Variants in ELMO1 observed in about 807,000 individuals in gnomAD.
ELMO1 encodes the protein engulfment and cell motility protein 1.
In ELMO1, 26 loss-of-function variants were observed where a neutral mutation model predicts 98.9. That is an observed-to-expected ratio of 0.26 (90% CI 0.19 to 0.36). The LOEUF (loss-of-function observed/expected upper bound fraction) is 0.36. Among genes scored for constraint, ELMO1 ranks in the 10% least tolerant of loss-of-function variants. The pLI, the probability that ELMO1 is intolerant of heterozygous loss-of-function variation, is 1.00. For synonymous variants in ELMO1, 346 were observed against 346.0 expected (o/e 1.00, Z 0.00); for missense variants, 627 against 935.2 (o/e 0.67, Z 4.30).
chr7:37,361,473 TACTACCA>T (rs1801694869), intron 1 of ELMO1, among the ~76,000 whole-genome samples: 1 of 152,238 alleles, frequency 6.6e-6, no homozygotes, highest in Non-Finnish European at 1.5e-5. Context: ...ACACATTTCA[TACTACCA>T]ACAGCAGAGC....
chr7:37,096,887 G>A lies in ELMO1; in HGVS notation c.1192-160C>T, dbSNP rs148350701. ...AATAGTACTCCAAGTATACAGGACC[G>A]AAAAGTCTCATTTATCCCCCCCAAA... On this transcript the variant is annotated intron_variant, in intron 14 of 21. Transcript: ENST00000310758. Among the ~76,000 whole-genome samples, 250 of 152,234 alleles carry A rather than the reference G, an allele frequency of 1.6e-3. 1 individual carries two copies. The highest frequency in any genetic ancestry group is 5.8e-3 in the African/African-American group (241 of 41,542).
chr7:37,237,992 T>G (rs1246489239), intron 7 of ELMO1, among the ~76,000 whole-genome samples: 1 of 152,222 alleles, frequency 6.6e-6, no homozygotes, highest in African/African-American at 2.4e-5. Context: ...TTCAACTTTA[T>G]TGTTGATCAT....
chr7:37,376,464 G>A (rs1583650163), intron 1 of ELMO1, among the ~76,000 whole-genome samples: 2 of 152,122 alleles, frequency 1.3e-5, no homozygotes, highest in East Asian at 1.9e-4. Flanking sequence ...ATAACATCAC[G>A]ATTGTAAAAC....
intron 8 of ELMO1, among the ~76,000 whole-genome samples, chr7:37,227,490 A>G (rs1048963609): frequency 5.9e-5 from 9 of 152,150 alleles, no homozygotes; most frequent in African/African-American, 2.2e-4. Flanking sequence ...AGTTCAAGCA[A>G]TTCTCCTGCC....
chr7:37,399,015 C>T (rs1053834384), intron 1 of ELMO1, among the ~76,000 whole-genome samples: 1 of 152,182 alleles, frequency 6.6e-6, no homozygotes, highest in Non-Finnish European at 1.5e-5. Context: ...TCACTGAGCC[C>T]TCTGGTCAGA....
chr7:37,315,009 C>T (rs1799080980), intron 3 of ELMO1, 87 bp from the exon 4 acceptor site: 6 of 1,207,674 alleles, frequency 5.0e-6, no homozygotes, highest in Non-Finnish European at 7.1e-6. Context: ...GAACTAAGCA[C>T]CCTGTGATTG....
chr7:37,182,247 A>G (rs1437359319), intron 13 of ELMO1, among the ~76,000 whole-genome samples: 1 of 152,130 alleles, frequency 6.6e-6, no homozygotes, highest in African/African-American at 2.4e-5. Flanking sequence ...AGAGTTTGGT[A>G]ACATCGGTAG....
intron 16 of ELMO1, among the ~76,000 whole-genome samples, chr7:36,992,514 T>C (rs749852272): frequency 1.3e-5 from 2 of 151,876 alleles, no homozygotes; most frequent in African/African-American, 4.8e-5. Context: ...GAAGGAAAAA[T>C]GAAAATGCCA....
chr7:37,360,708 T>C (rs967739269), intron 1 of ELMO1, among the ~76,000 whole-genome samples: 1 of 152,198 alleles, frequency 6.6e-6, no homozygotes, highest in Non-Finnish European at 1.5e-5. Context: ...CCTGTGTGGT[T>C]TTCAGTAACT....
chr7:37,040,901 A>ACCC (rs1584552632), intron 15 of ELMO1, among the ~76,000 whole-genome samples: 2 of 151,578 alleles, frequency 1.3e-5, no homozygotes, highest in African/African-American at 4.9e-5. Flanking sequence ...CAAAGGCAAA[A>ACCC]CCCCGTCTCT....
In ELMO1 at chr7:37,245,236, C is replaced by T. The variant is rs546655481; in HGVS notation, c.414-845G>A. Among the ~76,000 whole-genome samples the T allele has an allele frequency of 3.3e-5, 5 of 152,234 alleles. No homozygotes were observed. The East Asian group carries it at 9.7e-4, about 29-fold the overall frequency. On this transcript the variant is annotated intron_variant, in intron 6 of 21. Transcript: ENST00000310758. ...CAGACAGCATAGATGGTGCCTGCAT[C>T]GCAGGCCACAGGCCCTGAGGACACA...
chr7:37,438,713 G>T (rs980392131), intron 1 of ELMO1, among the ~76,000 whole-genome samples: 2 of 152,102 alleles, frequency 1.3e-5, no homozygotes, highest in Non-Finnish European at 2.9e-5. Flanking sequence ...AATCATCTCA[G>T]CTACTCGAAG....
chr7:36,976,850 A>C (rs1790592984), intron 16 of ELMO1, among the ~76,000 whole-genome samples: 1 of 152,320 alleles, frequency 6.6e-6, no homozygotes, highest in African/African-American at 2.4e-5. Flanking sequence ...AAAAGTCTTC[A>C]CACCATTCAG....
intron 4 of ELMO1, among the ~76,000 whole-genome samples, chr7:37,307,536 T>C (rs1798675219): frequency 6.6e-6 from 1 of 152,140 alleles, no homozygotes; most frequent in South Asian, 2.1e-4. Context: ...TATAGCAGCA[T>C]GAGAAAGGAC....
intron 13 of ELMO1, among the ~76,000 whole-genome samples, chr7:37,172,308 T>TAAA (rs35800288): frequency 6.8e-6 from 1 of 147,110 alleles, no homozygotes; most frequent in Non-Finnish European, 1.5e-5. Context: ...GTGCTTACAT[T>TAAA]AAAAAAAAAA....
intron 1 of ELMO1, among the ~76,000 whole-genome samples, chr7:37,364,766 G>A (rs1245726701): frequency 6.6e-6 from 1 of 152,080 alleles, no homozygotes; most frequent in East Asian, 1.9e-4. Flanking sequence ...GACAACTAAG[G>A]ATATCGGCTT....
intron 1 of ELMO1, among the ~76,000 whole-genome samples, chr7:37,425,924 G>A (rs1423852473): frequency 6.6e-6 from 1 of 152,116 alleles, no homozygotes; most frequent in Non-Finnish European, 1.5e-5. Context: ...CAAGTCTCCA[G>A]AACAAGACTC....
intron 13 of ELMO1, among the ~76,000 whole-genome samples, chr7:37,136,324 C>T (rs963317283): frequency 1.3e-5 from 2 of 152,090 alleles, no homozygotes; most frequent in Non-Finnish European, 2.9e-5. Flanking sequence ...GGAAAACTCC[C>T]TCAATTACCT....
chr7:36,920,628 C>A (rs953578801), intron 16 of ELMO1, among the ~76,000 whole-genome samples: 1 of 152,158 alleles, frequency 6.6e-6, no homozygotes, highest in African/African-American at 2.4e-5. Context: ...GCATGAAAGG[C>A]TTTTAAAAAA....
Sources: gnomAD v4.1 joint callset for allele counts (sites outside exome capture counted in the v4.1 genomes callset) on GRCh38, gnomAD v4.1.1 for gene constraint, MANE v1.5 for transcripts, NCBI Gene and HGNC (gene_info 2026-07-23, HGNC 2026-07-21) for gene names.